KDM6A: variants seen among roughly 807,000 people sequenced by gnomAD.
The protein encoded by KDM6A is lysine-specific demethylase 6A.
In KDM6A, 11 loss-of-function variants were observed where a neutral mutation model predicts 117.6. The observed-to-expected ratio is 0.09, with a 90% confidence interval of 0.06 to 0.15. KDM6A has a LOEUF of 0.15. Among genes scored for constraint, KDM6A ranks in the 10% least tolerant of loss-of-function variants. The probability of loss-of-function intolerance (pLI) is 1.00; values close to 1 mark genes in which losing one functional copy is unlikely to be tolerated. For synonymous variants in KDM6A, 384 were observed against 396.1 expected, an observed-to-expected ratio of 0.97 and a Z score of 0.36; for missense variants, 799 against 1,077.3, an observed-to-expected ratio of 0.74 and a Z score of 3.62.
At position 44,970,008 on chromosome X, in the gene KDM6A, TGCTTTG is replaced by T. The variant is rs1011418853; in HGVS notation, c.335-4656_335-4651del. On this transcript the variant is annotated intron_variant, in intron 3 of 29. Coordinates refer to ENST00000611820, the MANE Select transcript of KDM6A (RefSeq NM_001291415.2). ...CCTTAAAGATTAGAAATAAGGACTG[TGCTTTG>T]GTCAAAAGGATTTTACTAGAGAGAC... Among the ~76,000 whole-genome samples, 3 of 112,380 alleles carry T rather than the reference TGCTTTG, an allele frequency of 2.7e-5. No homozygotes were observed. The Admixed American group carries it at 2.8e-4, about 11-fold the overall frequency.
At chrX:44,932,900 T>A (rs1377034803) in intron 2 of KDM6A, among the ~76,000 whole-genome samples, 1 of 109,279 alleles carries the variant, frequency 9.2e-6, no homozygotes, top group Non-Finnish European at 1.9e-5. Context: ...TCTTTTTTTT[T>A]TTTTGAGATG....
chrX:44,896,623 CTTTT>C (rs11292562), intron 2 of KDM6A, among the ~76,000 whole-genome samples: 3 of 69,387 alleles, frequency 4.3e-5, no homozygotes, highest in Admixed American at 1.8e-4. Context: ...TTATCATTTC[CTTTT>C]TTTTTTTTTT....
At chrX:44,982,392 G>T (rs1208611721) in intron 4 of KDM6A, among the ~76,000 whole-genome samples, 1 of 110,527 alleles carries the variant, frequency 9.0e-6, no homozygotes, top group Non-Finnish European at 1.9e-5. Context: ...AATTTAGTTT[G>T]GGACACCGAA....
At chrX:44,935,484 A>G (rs979775109) in intron 2 of KDM6A, among the ~76,000 whole-genome samples, 3 of 111,392 alleles carry the variant, frequency 2.7e-5, no homozygotes, top group Non-Finnish European at 5.7e-5. Context: ...ACAAGTTTTC[A>G]AAAATTCTGA....
At chrX:45,026,664 T>TAA (rs35015536) in intron 6 of KDM6A, among the ~76,000 whole-genome samples, 12 of 84,666 alleles carry the variant, frequency 1.4e-4, no homozygotes, top group East Asian at 3.7e-4. Flanking sequence ...CCGTCTCTAC[T>TAA]AAAAAAAAAA....
intron 25 of KDM6A, 171 bp downstream of exon 25, chrX:45,086,150 G>A (rs937796614): frequency 2.6e-5 from 11 of 420,364 alleles, no homozygotes; most frequent in African/African-American, 1.7e-4. Flanking sequence ...TGTGTTATTG[G>A]AAATACTTTA....
intron 4 of KDM6A, among the ~76,000 whole-genome samples, chrX:44,984,688 T>C (rs969425070): frequency 1.8e-5 from 2 of 111,753 alleles, no homozygotes; most frequent in Non-Finnish European, 3.8e-5. Context: ...CCGTTGCTTG[T>C]TTTTCTCAGG....
intron 4 of KDM6A, among the ~76,000 whole-genome samples, chrX:44,987,808 T>C (rs1250361248): frequency 9.0e-6 from 1 of 111,701 alleles, no homozygotes; most frequent in Non-Finnish European, 1.9e-5. Context: ...CCTTTGTGGG[T>C]AACCCGACCT....
At chrX:44,954,950 C>T (rs1302548315) in intron 2 of KDM6A, among the ~76,000 whole-genome samples, 1 of 110,888 alleles carries the variant, frequency 9.0e-6, no homozygotes, top group Non-Finnish European at 1.9e-5. Context: ...TTAGGGAAGA[C>T]TTAGCAGTAA....
At position 45,111,618 on chromosome X, in the gene KDM6A, C is replaced by G; in HGVS notation, c.*207C>G. 2.0e-5 allele frequency: 8 copies of G among 392,253 alleles called. No individual in the cohort carries two copies. The highest frequency in any genetic ancestry group is 3.6e-5 in the Non-Finnish European group (8 of 224,694). The allele number at this position is 392,253 out of a possible 1,213,427, so 32.3% of individuals were successfully genotyped here. On this transcript the variant is annotated 3_prime_UTR_variant, in exon 30 of 30. Transcript: ENST00000611820. ...CTCACAAAGCTGATGAGCTGTACTT[C>G]AGAAAAAAATAATAATTTCCATGTT... is the stretch of plus-strand genomic sequence containing the variant.
intron 4 of KDM6A, among the ~76,000 whole-genome samples, chrX:44,996,793 G>T (rs186100367): frequency 2.7e-5 from 3 of 111,810 alleles, no homozygotes; most frequent in Admixed American, 1.9e-4. Flanking sequence ...ACTTACATAT[G>T]CTGGTTACTT....
intron 3 of KDM6A, among the ~76,000 whole-genome samples, chrX:44,973,986 A>T (rs1411093453): frequency 1.8e-5 from 2 of 110,926 alleles, no homozygotes; most frequent in African/African-American, 6.6e-5. Context: ...CCTGCATAGT[A>T]GTCATTATTT....
At chrX:44,877,021 A>G (rs1407344986) in intron 2 of KDM6A, among the ~76,000 whole-genome samples, 1 of 86,260 alleles carries the variant, frequency 1.2e-5, no homozygotes, top group Non-Finnish European at 2.0e-5. Flanking sequence ...ATACGTGTAT[A>G]CATATATACA....
Position 44,880,832 on chromosome X carries a change from A to G in KDM6A, c.225+6845A>G, listed in dbSNP as rs763295301. ...AAAAAGTACTCTGATAGTACACCAGAATGTTATATTTTGGTTGACTAAAAA... is the reference window on the plus strand; with the variant it reads ...AAAAAGTACTCTGATAGTACACCAGGATGTTATATTTTGGTTGACTAAAAA... On this transcript the variant is annotated intron_variant, in intron 2 of 29. Coordinates refer to ENST00000611820, the MANE Select transcript of KDM6A (RefSeq NM_001291415.2). 4.7e-4 allele frequency among the ~76,000 whole-genome samples: 50 copies of G among 106,166 alleles called. No homozygotes were observed. The East Asian group carries it at 0.014, about 30-fold the overall frequency. 92.2% of individuals were successfully genotyped at this position (106,166 alleles called of 115,157 possible).
chrX:44,917,109 T>C (rs2035612087), intron 2 of KDM6A, among the ~76,000 whole-genome samples: 1 of 107,393 alleles, frequency 9.3e-6, no homozygotes, highest in Non-Finnish European at 1.9e-5. Context: ...CACTGCAACC[T>C]CCACCTCCCA....
intron 3 of KDM6A, among the ~76,000 whole-genome samples, chrX:44,966,685 A>G (rs2039029457): frequency 9.0e-6 from 1 of 110,540 alleles, no homozygotes; most frequent in Non-Finnish European, 1.9e-5. Context: ...AGCTTGATTA[A>G]TGTGTAATAG....
chrX:44,968,643 A>G (rs1174362511), intron 3 of KDM6A, among the ~76,000 whole-genome samples: 3 of 112,204 alleles, frequency 2.7e-5, no homozygotes, highest in African/African-American at 9.7e-5. Context: ...AATATAGGTA[A>G]AGAGAGTCAC....
chrX:44,889,078 C>T (rs907436496), intron 2 of KDM6A, among the ~76,000 whole-genome samples: 125 of 111,896 alleles, frequency 1.1e-3, no homozygotes, highest in African/African-American at 4.0e-3. Flanking sequence ...TGCAGTGGCA[C>T]AATCTTGGCT....
intron 2 of KDM6A, among the ~76,000 whole-genome samples, chrX:44,929,586 A>C (rs1312045468): frequency 8.9e-6 from 1 of 111,866 alleles, no homozygotes; most frequent in African/African-American, 3.2e-5. Flanking sequence ...TATTAAAAGA[A>C]AGCTGCTATG....
Sources: allele counts gnomAD v4.1 joint callset (sites outside exome capture counted in the v4.1 genomes callset), GRCh38; gene constraint gnomAD v4.1.1; transcripts MANE v1.5; gene names NCBI Gene and HGNC (gene_info 2026-07-23, HGNC 2026-07-21).